The following GNE variants were observed in gnomAD, a reference collection of about 807,000 sequenced individuals.
The protein encoded by GNE is glucosamine (UDP-N-acetyl)-2-epimerase/N-acetylmannosamine kinase.
A neutral mutation model predicts 61.8 loss-of-function variants in GNE; 41 were observed. The ratio of observed to expected loss-of-function variants is 0.66; its 90% confidence interval spans 0.52 to 0.86. GNE has a LOEUF of 0.86. Ranked by LOEUF, GNE falls within the 40% of genes least tolerant of loss-of-function variation. GNE has a pLI of 0.00. For missense variants in GNE, 608 were observed against 909.1 expected, an observed-to-expected ratio of 0.67 and a Z score of 4.26; for synonymous variants, 264 against 326.4, an observed-to-expected ratio of 0.81 and a Z score of 2.06.
chr9:36,246,508 T>C (rs761800850), intron 2 of GNE, 26 bp from the exon 3 acceptor site: 1 of 1,545,906 alleles, frequency 6.5e-7, no homozygotes. Flanking sequence ...AATAAAGATA[T>C]AAGAACATGT....
intron 7 of GNE, among the ~76,000 whole-genome samples, chr9:36,224,255 G>A (rs1054229294): frequency 3.3e-5 from 5 of 150,916 alleles, no homozygotes; most frequent in South Asian, 4.2e-4. Flanking sequence ...CAGCCTGGGA[G>A]GTACAGTGAG....
intron 1 of GNE, among the ~76,000 whole-genome samples, chr9:36,269,664 CTTTTT>C (rs71336438): frequency 3.7e-5 from 5 of 134,320 alleles, no homozygotes; most frequent in African/African-American, 5.6e-5. Context: ...TTTCTTCTTT[CTTTTT>C]TTTTTTTTTT....
Position 36,249,329 on chromosome 9 carries a change from C to T in GNE, c.27G>A (p.Lys9=). ...TACAAGTAGCAACACAAACCCGCAG[C>T]TTTCGGTTATTTCCATTCTTCTCCA... The part of the protein sequence containing the change: MEKNGNNR[K]LRVCVATCNR... Residue 9 remains lysine (K), a synonymous_variant, in exon 2 of 12, where the codon AAG becomes AAA. Transcript: ENST00000642385. The T allele has an allele frequency of 6.2e-7, 1 of 1,613,994 alleles. No individual in the cohort carries two copies. Among genetic ancestry groups the T allele is most frequent in the East Asian group, 2.2e-5 (1 of 44,886 alleles).
chr9:36,220,796 C>T (rs1563928786), intron 9 of GNE, among the ~76,000 whole-genome samples: 2 of 152,208 alleles, frequency 1.3e-5, no homozygotes, highest in Non-Finnish European at 2.9e-5. Context: ...TTATAAATAT[C>T]AGTGACTGTC....
At position 36,218,445 on chromosome 9, in the gene GNE, A is replaced by G. The variant is rs1828431524; in HGVS notation, c.1817-146T>C. On this transcript the variant is annotated intron_variant, in intron 10 of 11. Transcript: ENST00000642385. The surrounding 1 kb of genome is among the most constrained non-coding windows in gnomAD (Gnocchi z 4.1). ...AAGCTTATCGTTCACAAACATCTCT[A>G]TACACTGCCCCTAAAGCCTTTGCTA... 5.7e-6 allele frequency: 4 copies of G among 697,968 alleles called. No homozygotes were observed. The highest frequency in any genetic ancestry group is 2.0e-5 in the Admixed American group (1 of 49,450). 43.2% of individuals were successfully genotyped at this position (697,968 alleles called of 1,614,324 possible). A position where few individuals can be genotyped will look rare whatever the true frequency, so the allele number is the denominator to read the frequency against.
intron 3 of GNE, among the ~76,000 whole-genome samples, chr9:36,245,191 G>T (rs775502811): frequency 6.6e-6 from 1 of 152,004 alleles, no homozygotes; most frequent in Non-Finnish European, 1.5e-5. Context: ...TTGAACCTGG[G>T]AGGTGGAGGT....
chr9:36,248,093 TTAAG>T (rs1214701475), intron 2 of GNE, among the ~76,000 whole-genome samples: 3 of 151,796 alleles, frequency 2.0e-5, no homozygotes, highest in Non-Finnish European at 2.9e-5. Context: ...TCTCTACTCT[TTAAG>T]TATTTCCTAG....
chr9:36,258,671 G>T (rs1160497497), upstream of GNE, among the ~76,000 whole-genome samples: 1 of 152,254 alleles, frequency 6.6e-6, no homozygotes, highest in Non-Finnish European at 1.5e-5. Flanking sequence ...CTGCGGGGCT[G>T]TCCTGCCAGC....
At chr9:36,243,951 G>A (rs971123806) in intron 3 of GNE, among the ~76,000 whole-genome samples, 16 of 56,392 alleles carry the variant, frequency 2.8e-4, no homozygotes, top group Admixed American at 1.5e-3. Context: ...TTTTGTTATT[G>A]TTTTTTGTTT....
Position 36,218,643 on chromosome 9 carries a change from C to T in GNE, c.1817-344G>A, listed in dbSNP as rs566887848. On this transcript the variant is annotated intron_variant, in intron 10 of 11. Coordinates refer to ENST00000642385, the MANE Select transcript of GNE (RefSeq NM_005476.7). This position sits in a 1 kb window ranked among gnomAD's most constrained non-coding sequence, Gnocchi z 4.1. ...ACCCTCCTCCCACATTCACTCCTTC[C>T]TTACTCATCCCAGACACAATGCTGT... Among the ~76,000 whole-genome samples, 3 of 152,324 alleles carry T rather than the reference C, an allele frequency of 2.0e-5. No homozygotes were observed. The highest frequency in any genetic ancestry group is 3.9e-4 in the East Asian group (2 of 5,164).
chr9:36,260,868 CAAAAAAA>C (rs745821430), upstream of GNE, among the ~76,000 whole-genome samples: 31,897 of 96,080 alleles, frequency 0.33, 5,075 homozygotes, highest in African/African-American at 0.47. Context: ...GACTCTATCT[CAAAAAAA>C]AAAAAAAAAA....
intron 1 of GNE, among the ~76,000 whole-genome samples, chr9:36,266,539 C>T (rs1178021269): frequency 1.3e-5 from 2 of 152,110 alleles, no homozygotes; most frequent in South Asian, 2.1e-4. Context: ...TTTGGGAGGC[C>T]GAGGCAGGTG....
At chr9:36,272,183 A>G (rs1419250785) in intron 1 of GNE, among the ~76,000 whole-genome samples, 4 of 152,234 alleles carry the variant, frequency 2.6e-5, no homozygotes, top group African/African-American at 7.2e-5. Flanking sequence ...GCAGAAAGTA[A>G]CTGGGAGATG....
At chr9:36,270,521 T>C (rs1440618215) in intron 1 of GNE, among the ~76,000 whole-genome samples, 3 of 147,856 alleles carry the variant, frequency 2.0e-5, no homozygotes, top group Non-Finnish European at 4.5e-5. Flanking sequence ...TCTTTCTTTT[T>C]TTTTTTTTTT....
At chr9:36,257,741 T>C (rs1830427101) in intron 1 of GNE, among the ~76,000 whole-genome samples, 1 of 128,122 alleles carries the variant, frequency 7.8e-6, no homozygotes, top group Admixed American at 9.9e-5. Context: ...AGGCGGAGCT[T>C]GCAGTGAGCC....
intron 4 of GNE, among the ~76,000 whole-genome samples, chr9:36,235,347 A>G (rs1278689569): frequency 6.6e-6 from 1 of 152,220 alleles, no homozygotes; most frequent in Non-Finnish European, 1.5e-5. Flanking sequence ...ACTGGGGAAC[A>G]GGGCACTAAG....
At chr9:36,232,483 A>G (rs1829215200) in intron 5 of GNE, among the ~76,000 whole-genome samples, 1 of 152,078 alleles carries the variant, frequency 6.6e-6, no homozygotes, top group Non-Finnish European at 1.5e-5. Flanking sequence ...TTCCTTCTCT[A>G]ACATCACCTG....
intron 1 of GNE, among the ~76,000 whole-genome samples, chr9:36,249,604 A>T (rs967569053): frequency 1.3e-5 from 2 of 151,914 alleles, no homozygotes; most frequent in Non-Finnish European, 2.9e-5. Flanking sequence ...CAAGGCTGGG[A>T]GTGGTGGCTT....
At chr9:36,250,371 T>C (rs1347688197) in intron 1 of GNE, among the ~76,000 whole-genome samples, 3 of 152,294 alleles carry the variant, frequency 2.0e-5, no homozygotes, top group South Asian at 2.1e-4. Context: ...CTATCAGATA[T>C]CTCCTGCTGT....
Sources: allele counts gnomAD v4.1 joint callset (sites outside exome capture counted in the v4.1 genomes callset), GRCh38; gene constraint gnomAD v4.1.1; non-coding constraint Gnocchi (gnomAD v3.1); transcripts MANE v1.5; gene names NCBI Gene and HGNC (gene_info 2026-07-23, HGNC 2026-07-21).